The following ATRNL1 variants were observed in gnomAD, a reference collection of about 807,000 sequenced individuals.
ATRNL1 encodes the protein attractin-like protein 1.
Under a neutral mutation model 182.7 loss-of-function variants are expected in ATRNL1, and 95 were observed. The observed-to-expected ratio is 0.52, with a 90% confidence interval of 0.44 to 0.62. The LOEUF (loss-of-function observed/expected upper bound fraction) is 0.62. Among genes scored for constraint, ATRNL1 ranks in the 20% least tolerant of loss-of-function variants. ATRNL1 has a pLI of 0.00. For synonymous variants in ATRNL1, 576 were observed against 568.3 expected, an observed-to-expected ratio of 1.01 and a Z score of -0.19; for missense variants, 1,471 against 1,679.5, an observed-to-expected ratio of 0.88 and a Z score of 2.17.
intron 19 of ATRNL1, among the ~76,000 whole-genome samples, chr10:115,387,827 G>A (rs868914408): frequency 1.3e-4 from 20 of 152,026 alleles, no homozygotes; most frequent in Middle Eastern, 6.8e-3. Flanking sequence ...ATAAGTTGAT[G>A]GGCCTTTGGG....
chr10:115,355,214 A>G (rs941584185), intron 19 of ATRNL1, among the ~76,000 whole-genome samples: 7 of 152,158 alleles, frequency 4.6e-5, no homozygotes, highest in Non-Finnish European at 7.4e-5. Context: ...TTGATGATAT[A>G]TGAGCGTTAA....
intron 5 of ATRNL1, among the ~76,000 whole-genome samples, chr10:115,148,765 T>C (rs1454604405): frequency 7.0e-6 from 1 of 143,310 alleles, no homozygotes; most frequent in Non-Finnish European, 1.5e-5. Context: ...TTTTTTTTTT[T>C]CTTTCTAAGA....
At chr10:115,534,032 T>C (rs1592804176) in intron 25 of ATRNL1, among the ~76,000 whole-genome samples, 1 of 151,274 alleles carries the variant, frequency 6.6e-6, no homozygotes, top group Non-Finnish European at 1.5e-5. Context: ...AAGTATGTGG[T>C]CAATTTTGGA....
chr10:115,201,414 G>A (rs1273435931), intron 8 of ATRNL1, among the ~76,000 whole-genome samples: 1 of 152,100 alleles, frequency 6.6e-6, no homozygotes, highest in African/African-American at 2.4e-5. Flanking sequence ...TGTATAAGGT[G>A]TAAGGAAGGG....
At chr10:115,773,568 CA>C (rs1949046384) in intron 27 of ATRNL1, among the ~76,000 whole-genome samples, 1 of 152,060 alleles carries the variant, frequency 6.6e-6, no homozygotes, top group Admixed American at 6.6e-5. Flanking sequence ...ATCTATGGTA[CA>C]AAATGTAAGT....
intron 26 of ATRNL1, among the ~76,000 whole-genome samples, chr10:115,589,730 G>T (rs1855792071): frequency 1.3e-5 from 2 of 151,998 alleles, no homozygotes; most frequent in Admixed American, 1.3e-4. Context: ...GAATTATATT[G>T]CTTTGATCTA....
chr10:115,449,728 C>G (rs1368939918), intron 21 of ATRNL1, among the ~76,000 whole-genome samples: 2 of 152,158 alleles, frequency 1.3e-5, no homozygotes, highest in African/African-American at 4.8e-5. Context: ...TATTTAAGAG[C>G]TGTGGGCTGA....
At chr10:115,680,082 C>A (rs1402865986) in intron 26 of ATRNL1, among the ~76,000 whole-genome samples, 13 of 152,094 alleles carry the variant, frequency 8.5e-5, no homozygotes, top group African/African-American at 3.1e-4. Flanking sequence ...TTCTCATAAT[C>A]TGCCTGCTAA....
chr10:115,868,822 C>CTTTTTTTTTTTTTTTTTTTTT lies in ATRNL1; in HGVS notation c.4018+20836_4018+20856dup, dbSNP rs67676674. Among the ~76,000 whole-genome samples the CTTTTTTTTTTTTTTTTTTTTT allele has an allele frequency of 1.9e-3, 110 of 58,092 alleles. 19 individuals carry two copies. The highest frequency in any genetic ancestry group is 2.8e-3 in the African/African-American group (47 of 16,648). The allele number at this position is 58,092 out of a possible 152,430, so 38.1% of individuals were successfully genotyped here. On this transcript the variant is annotated intron_variant, in intron 28 of 28. Transcript: ENST00000355044. ...ATATATCTGGTGGCAAGTCTTTATTCTTTTTTTTTTTTTTTTTTTTTTTTT... is the reference window on the plus strand; with the variant it reads ...ATATATCTGGTGGCAAGTCTTTATTCTTTTTTTTTTTTTTTTTTTTTTTTTTTTTTTTTTTTTTTTTTTTTT...
At chr10:115,402,589 T>A (rs780122444) in intron 20 of ATRNL1, among the ~76,000 whole-genome samples, 2 of 152,198 alleles carry the variant, frequency 1.3e-5, no homozygotes, top group Non-Finnish European at 2.9e-5. Context: ...AGATATTTTG[T>A]TGGTAGATTA....
chr10:115,527,996 C>CCTTCCTT (rs1565133292), intron 25 of ATRNL1, among the ~76,000 whole-genome samples: 22 of 54,024 alleles, frequency 4.1e-4, no homozygotes, highest in African/African-American at 2.3e-3. Context: ...CTCCCTCCCT[C>CCTTCCTT]CCTTCCTTCC....
chr10:115,637,181 G>A (rs1462277055), intron 26 of ATRNL1, among the ~76,000 whole-genome samples: 5 of 152,080 alleles, frequency 3.3e-5, no homozygotes, highest in East Asian at 1.9e-4. Flanking sequence ...CCATATCACC[G>A]TGGACACATT....
intron 28 of ATRNL1, among the ~76,000 whole-genome samples, chr10:115,913,727 T>C (rs961016363): frequency 7.2e-5 from 11 of 152,226 alleles, no homozygotes; most frequent in African/African-American, 2.4e-4. Context: ...TGTAGGACAA[T>C]GTCAGCCTGT....
intron 28 of ATRNL1, among the ~76,000 whole-genome samples, chr10:115,876,463 T>A (rs1343118234): frequency 6.6e-6 from 1 of 152,216 alleles, no homozygotes; most frequent in African/African-American, 2.4e-5. Context: ...TAGCAAAATG[T>A]AGGAACTTTA....
chr10:115,836,165 T>C (rs1435872995), intron 27 of ATRNL1, among the ~76,000 whole-genome samples: 1 of 152,202 alleles, frequency 6.6e-6, no homozygotes, highest in African/African-American at 2.4e-5. Flanking sequence ...TGAATCTCCC[T>C]CTTGACCTTT....
intron 8 of ATRNL1, among the ~76,000 whole-genome samples, chr10:115,173,136 G>A (rs1266532090): frequency 6.6e-6 from 1 of 151,958 alleles, no homozygotes; most frequent in African/African-American, 2.4e-5. Flanking sequence ...AATAAGCAAT[G>A]CTACATTGAA....
intron 19 of ATRNL1, among the ~76,000 whole-genome samples, chr10:115,394,380 G>A (rs627118): frequency 0.39 from 58,922 of 151,690 alleles, 12,589 homozygotes; most frequent in African/African-American, 0.57. Context: ...ATACCAAAGT[G>A]AAAATGGAGA....
intron 25 of ATRNL1, among the ~76,000 whole-genome samples, chr10:115,537,479 A>G (rs1296225417): frequency 6.6e-6 from 1 of 152,196 alleles, no homozygotes; most frequent in Non-Finnish European, 1.5e-5. Context: ...GACCTACATG[A>G]ACATCAGTTC....
At position 115,465,171 on chromosome 10, in the gene ATRNL1, C is replaced by T. The variant is rs978467819; in HGVS notation, c.3418-2003C>T. Reference sequence around the variant, plus strand: ...AATTTCAATCTAAGGTTATCTGACTCTTCACTAATTCTTTTCATTGCTTCA... The same window carrying T: ...AATTTCAATCTAAGGTTATCTGACTTTTCACTAATTCTTTTCATTGCTTCA... On this transcript the variant is annotated intron_variant, in intron 22 of 28. Coordinates refer to ENST00000355044, the MANE Select transcript of ATRNL1 (RefSeq NM_207303.4). Among the ~76,000 whole-genome samples the T allele has an allele frequency of 3.3e-5, 5 of 151,768 alleles. No homozygotes were observed. The East Asian group carries it at 7.7e-4, about 24-fold the overall frequency.
Sources: gnomAD v4.1 joint callset for allele counts (sites outside exome capture counted in the v4.1 genomes callset) on GRCh38, gnomAD v4.1.1 for gene constraint, MANE v1.5 for transcripts, NCBI Gene and HGNC (gene_info 2026-07-23, HGNC 2026-07-21) for gene names.